Variants in INO80 observed in about 807,000 individuals in gnomAD.
INO80 encodes chromatin-remodeling ATPase INO80.
Under a neutral mutation model 203.4 loss-of-function variants are expected in INO80, and 20 were observed. The observed-to-expected ratio is 0.10, with a 90% CI of 0.07 to 0.14. INO80 has a LOEUF of 0.14. Among genes scored for constraint, INO80 ranks in the 10% least tolerant of loss-of-function variants. INO80 has a pLI of 1.00. For missense variants in INO80, 1,419 were observed against 1,914.4 expected (o/e 0.74, Z 4.83); for synonymous variants, 726 against 685.2 (o/e 1.06, Z -0.93).
chr15:41,052,478 G>A (rs1285579404), intron 19 of INO80, among the ~76,000 whole-genome samples: 1 of 151,606 alleles, frequency 6.6e-6, no homozygotes, highest in Non-Finnish European at 1.5e-5. Flanking sequence ...TTCAAGACTA[G>A]TCTGGGCAAC....
chr15:41,103,603 C>T (rs1209535101), intron 1 of INO80, among the ~76,000 whole-genome samples: 2 of 152,086 alleles, frequency 1.3e-5, no homozygotes, highest in African/African-American at 4.8e-5. Flanking sequence ...GTTGGCCAGG[C>T]TAGTCTCAAA....
At position 40,980,384 on chromosome 15, in the gene INO80, C is replaced by T. The variant is rs1376554261; in HGVS notation, c.4510G>A (p.Asp1504Asn). ...TSLVRPAGLADFGPSSASSPL... is the reference protein window; with the variant it reads ...TSLVRPAGLANFGPSSASSPL... ...GAAGAGGCGCTTGAAGGTCCAAAGT[C>T]AGCAAGGCCAGCAGGCCGAACAAGG... Residue 1504 changes from aspartate to asparagine, a missense_variant, in exon 36 of 36, where the codon GAC becomes AAC. Around this residue, in one of 9 missense-constraint regions of INO80, gnomAD observed 112 missense variants for 106.2 expected, o/e 1.05. Transcript: ENST00000648947. 6.2e-7 allele frequency: 1 copy of T among 1,613,932 alleles called. No homozygotes were observed. The highest frequency in any genetic ancestry group is 1.7e-5 in the Admixed American group (1 of 60,028).
intron 25 of INO80, among the ~76,000 whole-genome samples, chr15:41,026,745 T>C (rs2044380974): frequency 6.6e-6 from 1 of 152,350 alleles, no homozygotes; most frequent in East Asian, 1.9e-4. Context: ...AATTCATTCT[T>C]GGCTCTAACC....
chr15:41,102,466 A>C (rs2045823469), intron 1 of INO80, among the ~76,000 whole-genome samples: 1 of 152,152 alleles, frequency 6.6e-6, no homozygotes, highest in Non-Finnish European at 1.5e-5. Context: ...CAGGAGTTCG[A>C]GACCAGCCTG....
At chr15:41,099,218 C>G (rs545192190) in intron 1 of INO80, among the ~76,000 whole-genome samples, 26 of 123,732 alleles carry the variant, frequency 2.1e-4, no homozygotes, top group African/African-American at 7.1e-4. Context: ...GTGCTCCAGC[C>G]TGGAGTAAGA....
At chr15:40,986,316 C>CTTTT (rs551165963) in intron 31 of INO80, among the ~76,000 whole-genome samples, 99 of 90,712 alleles carry the variant, frequency 1.1e-3, no homozygotes, top group Non-Finnish European at 1.6e-3. Flanking sequence ...CTCCACAATG[C>CTTTT]TTTTTTTTTT....
chr15:41,095,999 A>C lies in INO80; in HGVS notation c.144-71T>G, dbSNP rs1391756027. The C allele has an allele frequency of 4.1e-6, 6 of 1,468,548 alleles. No homozygotes were observed. In the East Asian group the frequency reaches 1.4e-4, roughly 34 times the overall value. 91.0% of individuals were successfully genotyped at this position (1,468,548 alleles called of 1,614,324 possible). A position where few individuals can be genotyped will look rare whatever the true frequency, so the allele number is the denominator to read the frequency against. On this transcript the variant is annotated intron_variant, in intron 2 of 35. Transcript: ENST00000648947. ...ATATAATTTAAAGTTAGAACTGGAC[A>C]CTTTACAGAAGAAACTGTTCCTCTG...
At chr15:41,107,955 C>G (rs1426451454) in intron 1 of INO80, among the ~76,000 whole-genome samples, 4 of 151,930 alleles carry the variant, frequency 2.6e-5, no homozygotes, top group Non-Finnish European at 5.9e-5. Flanking sequence ...CAAAAATTAG[C>G]CGGGCATGGT....
chr15:41,034,245 T>TG (rs1228448920), intron 24 of INO80, among the ~76,000 whole-genome samples: 1 of 151,952 alleles, frequency 6.6e-6, no homozygotes, highest in Non-Finnish European at 1.5e-5. Flanking sequence ...CACCATAGGG[T>TG]GGGTGAGTGC....
intron 31 of INO80, among the ~76,000 whole-genome samples, chr15:40,986,748 C>T (rs1038595146): frequency 6.6e-6 from 1 of 152,126 alleles, no homozygotes; most frequent in African/African-American, 2.4e-5. Context: ...GCTTTAGCTT[C>T]CCAAAGTGCT....
At chr15:41,051,692 T>C (rs2044873583) in intron 19 of INO80, among the ~76,000 whole-genome samples, 1 of 151,944 alleles carries the variant, frequency 6.6e-6, no homozygotes, top group South Asian at 2.1e-4. Flanking sequence ...TAGTGGCTCA[T>C]GCCTATAATC....
intron 14 of INO80, among the ~76,000 whole-genome samples, chr15:41,063,097 G>C (rs2045142278): frequency 6.6e-6 from 1 of 152,140 alleles, no homozygotes; most frequent in Admixed American, 6.5e-5. Flanking sequence ...AGCACTTTGG[G>C]AAGCTAAGGT....
chr15:40,980,483 C>T (rs375517483), intron 35 of INO80, 43 bp from the exon 36 acceptor site: 28 of 1,473,438 alleles, frequency 1.9e-5, no homozygotes, highest in East Asian at 4.6e-5. Flanking sequence ...ACCAGTCCCG[C>T]GTAAGCTTCC....
intron 14 of INO80, among the ~76,000 whole-genome samples, chr15:41,069,197 C>T (rs920102142): frequency 9.2e-5 from 14 of 152,082 alleles, no homozygotes; most frequent in Admixed American, 5.9e-4. Context: ...GGCACATTCT[C>T]GGCTTGCTAC....
At chr15:40,999,235 C>CA (rs1335476228) in intron 28 of INO80, 3 of 152,118 alleles carry the variant, frequency 2.0e-5, no homozygotes, top group Non-Finnish European at 4.4e-5. Context: ...ACACCAGAAA[C>CA]AAACATACTG....
intron 7 of INO80, among the ~76,000 whole-genome samples, chr15:41,082,690 G>C (rs1166268743): frequency 6.6e-6 from 1 of 151,948 alleles, no homozygotes; most frequent in Non-Finnish European, 1.5e-5. Context: ...GGTGACAAGA[G>C]CGAAACTCCG....
Position 41,020,890 on chromosome 15 carries a change from G to A in INO80, c.3274+10C>T. On this transcript the variant is annotated intron_variant, in intron 26 of 35. Transcript: ENST00000648947. ...GCGAGGAACACATTCCAAGAGGATT[G>A]AGAACTCACCTGGAATCCTGATGAA... The A allele has an allele frequency of 1.9e-6, 3 of 1,566,424 alleles. No homozygotes were observed. Among genetic ancestry groups the A allele is most frequent in the Non-Finnish European group, 2.6e-6 (3 of 1,137,994 alleles).
At chr15:40,984,428 G>T in intron 32 of INO80, 76 bp from the exon 33 acceptor site, 1 of 1,364,804 alleles carries the variant, frequency 7.3e-7, no homozygotes, top group Non-Finnish European at 1.0e-6. Flanking sequence ...GGAAGAAAAG[G>T]ATAACAGAAC....
At chr15:41,034,072 CA>C (rs1386138717) in intron 24 of INO80, among the ~76,000 whole-genome samples, 2 of 151,934 alleles carry the variant, frequency 1.3e-5, no homozygotes, top group Admixed American at 6.6e-5. Flanking sequence ...AAAAAACAAA[CA>C]AAAAAACCCA....
Sources: allele counts gnomAD v4.1 joint callset (sites outside exome capture counted in the v4.1 genomes callset), GRCh38; gene constraint gnomAD v4.1.1; regional missense constraint gnomAD v4.1.1; transcripts MANE v1.5; gene names NCBI Gene and HGNC (gene_info 2026-07-23, HGNC 2026-07-21).